KLHL5: variants seen among roughly 807,000 people sequenced by gnomAD.
KLHL5 encodes kelch-like protein 5.
Under a neutral mutation model 77.7 loss-of-function variants are expected in KLHL5, and 48 were observed. The ratio of observed to expected loss-of-function variants is 0.62; its 90% CI spans 0.49 to 0.79. The LOEUF (loss-of-function observed/expected upper bound fraction) is 0.79, where lower values mean the gene tolerates loss of function less well. Ranked by LOEUF, KLHL5 falls within the 30% of genes least tolerant of loss-of-function variation. The probability of loss-of-function intolerance (pLI) is 0.00; values close to 1 mark genes in which losing one functional copy is unlikely to be tolerated. For synonymous variants in KLHL5, 260 were observed against 297.0 expected, an observed-to-expected ratio of 0.88 and a Z score of 1.28; for missense variants, 723 against 859.7, an observed-to-expected ratio of 0.84 and a Z score of 1.99.
chr4:39,127,954 A>G (rs942716542), downstream of KLHL5, among the ~76,000 whole-genome samples: 1 of 152,214 alleles, frequency 6.6e-6, no homozygotes, highest in Non-Finnish European at 1.5e-5. Flanking sequence ...CTGATTCTGT[A>G]TCAGAAACTC....
downstream of KLHL5, among the ~76,000 whole-genome samples, chr4:39,131,378 T>C (rs1488855793): frequency 6.6e-6 from 1 of 152,190 alleles, no homozygotes; most frequent in Admixed American, 6.5e-5. Context: ...TTAATTAAAG[T>C]TACTTAAAGA....
rs1723391987 is a variant in KLHL5 at position 39,124,268 on chromosome 4, T to A, written c.*3202T>A. On this transcript the variant is annotated 3_prime_UTR_variant, in exon 11 of 11. Transcript: ENST00000504108. ...GTCTATAGATTTAATACAATCCCCA[T>A]TAAAATTCCAGTGACCCTTTTACAG... is the stretch of plus-strand genomic sequence containing the variant. 6.6e-6 allele frequency among the ~76,000 whole-genome samples: 1 copy of A among 152,150 alleles called. No individual in the cohort carries two copies. The highest frequency in any genetic ancestry group is 2.1e-4 in the South Asian group (1 of 4,826).
At chr4:39,128,464 G>A (rs1723653101), downstream of KLHL5, among the ~76,000 whole-genome samples, 1 of 152,204 alleles carries the variant, frequency 6.6e-6, no homozygotes, top group South Asian at 2.1e-4. Context: ...TGGCTGCAGT[G>A]TGGAACATGT....
At chr4:39,131,017 A>ATT (rs11464461), downstream of KLHL5, among the ~76,000 whole-genome samples, 995 of 133,910 alleles carry the variant, frequency 7.4e-3, 5 homozygotes, top group Middle Eastern at 0.019. Flanking sequence ...AAATTTTTGT[A>ATT]TTTTTTTTTT....
chr4:39,114,033 T>C (rs1722655336), intron 9 of KLHL5, among the ~76,000 whole-genome samples: 1 of 152,180 alleles, frequency 6.6e-6, no homozygotes, highest in East Asian at 1.9e-4. Context: ...TAGTTTGATG[T>C]ATTTAAGTTG....
intron 5 of KLHL5, chr4:39,093,538 A>G (rs1337862929): frequency 7.0e-6 from 3 of 427,478 alleles, no homozygotes; most frequent in Non-Finnish European, 1.4e-5. Flanking sequence ...GTCAAATACA[A>G]CCCACAGTGT....
At chr4:39,120,695 C>G (rs1414312489) in intron 10 of KLHL5, among the ~76,000 whole-genome samples, 5 of 152,218 alleles carry the variant, frequency 3.3e-5, no homozygotes, top group Non-Finnish European at 5.9e-5. Flanking sequence ...TTCTTCATAT[C>G]CATACTGTGT....
At chr4:39,107,808 T>A (rs2711939) in intron 8 of KLHL5, 77 bp downstream of exon 8, 208,760 of 1,059,066 alleles carry the variant, frequency 0.2, 22,539 homozygotes, top group African/African-American at 0.4. Flanking sequence ...AATTTAAAGA[T>A]ATACATAAAT....
the KLHL5 span, among the ~76,000 whole-genome samples, chr4:39,141,834 G>A: frequency 6.6e-6 from 1 of 152,158 alleles, no homozygotes; most frequent in Non-Finnish European, 1.5e-5. Context: ...GCTAGCAGCA[G>A]CCACAATTCG....
intron 1 of KLHL5, among the ~76,000 whole-genome samples, chr4:39,050,070 A>G (rs1439917312): frequency 6.6e-6 from 1 of 152,090 alleles, no homozygotes; most frequent in Non-Finnish European, 1.5e-5. Context: ...GTGAGACTCC[A>G]TCCCAAAAAT....
Position 39,062,398 on chromosome 4 carries a change from G to T in KLHL5, c.-255G>T, listed in dbSNP as rs746465847. 2.7e-6 allele frequency: 4 copies of T among 1,463,870 alleles called. No individual in the cohort carries two copies. Among genetic ancestry groups the T allele is most frequent in the Non-Finnish European group, 2.7e-6 (3 of 1,115,666 alleles). The allele number at this position is 1,463,870 out of a possible 1,614,324, so 90.7% of individuals were successfully genotyped here. A position where few individuals can be genotyped will look rare whatever the true frequency, so the allele number is the denominator to read the frequency against. ...AAAGTGGTCTAGCTGCTTCAGGATA[G>T]GTGGATGAGAGTTTGCTCTGATTGA... On this transcript the variant is annotated 5_prime_UTR_variant, in exon 1 of 11. It adds an upstream start codon to the 5' untranslated region. Transcript: ENST00000504108.
At chr4:39,127,733 G>T (rs1723614992), downstream of KLHL5, among the ~76,000 whole-genome samples, 1 of 152,056 alleles carries the variant, frequency 6.6e-6, no homozygotes, top group Non-Finnish European at 1.5e-5. Context: ...CCAAAGTGCT[G>T]GGATTGTAGG....
intron 1 of KLHL5, among the ~76,000 whole-genome samples, chr4:39,070,010 G>A (rs944871456): frequency 3.3e-5 from 5 of 152,184 alleles, no homozygotes; most frequent in African/African-American, 1.2e-4. Context: ...GTGCAGTAGC[G>A]GAAAGGCCAT....
At position 39,123,981 on chromosome 4, in the gene KLHL5, C is replaced by A. The variant is rs996165855; in HGVS notation, c.*2915C>A. Among the ~76,000 whole-genome samples the A allele has an allele frequency of 6.6e-6, 1 of 152,028 alleles. No individual in the cohort carries two copies. Among genetic ancestry groups the A allele is most frequent in the Non-Finnish European group, 1.5e-5 (1 of 68,002 alleles). ...ATGATTCCGGCTGATTTTAAAAATT[C>A]AGCAATGTTGCAGGTTGCAAGATCA... On this transcript the variant is annotated 3_prime_UTR_variant, in exon 11 of 11. Transcript: ENST00000504108.
chr4:39,085,358 A>G (rs1010272090), intron 4 of KLHL5, among the ~76,000 whole-genome samples: 1 of 152,208 alleles, frequency 6.6e-6, no homozygotes, highest in Non-Finnish European at 1.5e-5. Context: ...CACTCAGGTT[A>G]CCACAGGCTA....
Position 39,103,489 on chromosome 4 carries a change from GT to G in KLHL5, c.1504del (p.Ser502ProfsTer19). ...AAACTTGGAGTGTGATGCCACCTAT[GT>G]CCACACATAGACATGGCCTTGGTAA... is the stretch of plus-strand genomic sequence containing the variant. ...TKTWSVMPPM[S>X]THRHGLGVAV... On this transcript the variant is annotated frameshift_variant, in exon 7 of 11. Coordinates refer to ENST00000504108, the MANE Select transcript of KLHL5 (RefSeq NM_015990.5). LOFTEE classifies it high-confidence loss of function. The G allele has an allele frequency of 1.9e-6, 3 of 1,613,980 alleles. No homozygotes were observed. The highest frequency in any genetic ancestry group is 2.5e-6 in the Non-Finnish European group (3 of 1,179,894).
rs1289444528 is a variant in KLHL5 at position 39,124,673 on chromosome 4, AG to A, written c.*3608del. ...CCATATATAAAAATTAATTCAAAAT[AG>A]ATCAAAGACCTAAATGTAAGAGCTA... On this transcript the variant is annotated 3_prime_UTR_variant, in exon 11 of 11. Coordinates refer to ENST00000504108, the MANE Select transcript of KLHL5 (RefSeq NM_015990.5). 3.3e-5 allele frequency among the ~76,000 whole-genome samples: 5 copies of A among 152,138 alleles called. No homozygotes were observed. Among genetic ancestry groups the A allele is most frequent in the African/African-American group, 1.2e-4 (5 of 41,520 alleles).
rs1404739024 is a variant in KLHL5, at chr4:39,122,460, C to T, written c.*1394C>T. ...GGCAGAGCAGGGATTCATACAAAGA[C>T]CTTCTCACTCAGCAGTCTTCACTCT... On this transcript the variant is annotated 3_prime_UTR_variant, in exon 11 of 11. Coordinates refer to ENST00000504108, the MANE Select transcript of KLHL5 (RefSeq NM_015990.5). Among the ~76,000 whole-genome samples the T allele has an allele frequency of 6.6e-6, 1 of 152,068 alleles. No homozygotes were observed. The highest frequency in any genetic ancestry group is 1.5e-5 in the Non-Finnish European group (1 of 68,014).
At chr4:39,044,866 G>A (rs1226192922), upstream of KLHL5, 2 of 863,370 alleles carry the variant, frequency 2.3e-6, no homozygotes, top group East Asian at 1.2e-4. Flanking sequence ...CGCCCCCTCC[G>A]GGGCCACCCG....
Sources: allele counts gnomAD v4.1 joint callset (sites outside exome capture counted in the v4.1 genomes callset), GRCh38; gene constraint gnomAD v4.1.1; transcripts MANE v1.5; gene names NCBI Gene and HGNC (gene_info 2026-07-23, HGNC 2026-07-21).